APBB2: variants seen among roughly 807,000 people sequenced by gnomAD.
The protein encoded by APBB2 is amyloid beta precursor protein binding family B member 2, also known as Fe65-like 1.
In APBB2, 38 loss-of-function variants were observed where a neutral mutation model predicts 82.5. That is an observed-to-expected ratio of 0.46 (90% CI 0.36 to 0.60). The LOEUF (loss-of-function observed/expected upper bound fraction) is 0.60, where lower values mean the gene tolerates loss of function less well. Among genes scored for constraint, APBB2 ranks in the 20% least tolerant of loss-of-function variants. The pLI, the probability that APBB2 is intolerant of heterozygous loss-of-function variation, is 0.00. For synonymous variants in APBB2, 341 were observed against 368.2 expected, an observed-to-expected ratio of 0.93 and a Z score of 0.85; for missense variants, 772 against 972.3, an observed-to-expected ratio of 0.79 and a Z score of 2.74.
intron 6 of APBB2, among the ~76,000 whole-genome samples, chr4:40,996,131 C>T (rs1803577366): frequency 6.6e-6 from 1 of 152,204 alleles, no homozygotes; most frequent in Non-Finnish European, 1.5e-5. Flanking sequence ...GTGGCCCCTT[C>T]ACTTTACTGT....
intron 2 of APBB2, among the ~76,000 whole-genome samples, chr4:41,107,927 C>G (rs149794350): frequency 2.0e-5 from 3 of 151,878 alleles, no homozygotes; most frequent in Non-Finnish European, 4.4e-5. Flanking sequence ...GATTGGGAGG[C>G]GGGTATAAAA....
intron 6 of APBB2, among the ~76,000 whole-genome samples, chr4:40,955,519 AC>A (rs1490868932): frequency 6.6e-6 from 1 of 152,256 alleles, no homozygotes; most frequent in Non-Finnish European, 1.5e-5. Context: ...CTGATCTCTT[AC>A]AAAGTCTTAG....
chr4:40,881,126 A>T (rs1260521910), intron 12 of APBB2: 1 of 985,320 alleles, frequency 1.0e-6, no homozygotes, highest in Non-Finnish European at 1.2e-6. Flanking sequence ...CCACAGTGTA[A>T]GTCAGCAAAA....
chr4:41,129,543 A>T (rs1755370352), intron 2 of APBB2, among the ~76,000 whole-genome samples: 1 of 152,200 alleles, frequency 6.6e-6, no homozygotes, highest in Non-Finnish European at 1.5e-5. Context: ...TTAGATCAAC[A>T]GGCTTTGTTC....
chr4:41,085,723 G>A (rs895882949), intron 3 of APBB2, among the ~76,000 whole-genome samples: 13 of 152,104 alleles, frequency 8.5e-5, no homozygotes, highest in Admixed American at 2.0e-4. Context: ...TTATTTTAAA[G>A]TGCTGACTAT....
At chr4:40,964,753 A>AACAAACACACACACACACACACAC (rs1553884382) in intron 6 of APBB2, among the ~76,000 whole-genome samples, 12 of 139,666 alleles carry the variant, frequency 8.6e-5, no homozygotes, top group Non-Finnish European at 1.7e-4. Context: ...CCATTGAATA[A>AACAAACACACACACACACACACAC]ACACACACAC....
chr4:40,819,176 C>CTTTTTTTT (rs1188181954), intron 17 of APBB2, among the ~76,000 whole-genome samples: 4 of 135,216 alleles, frequency 3.0e-5, no homozygotes, highest in Non-Finnish European at 4.6e-5. Flanking sequence ...CCTTGGCTCT[C>CTTTTTTTT]TTTTTTTTTT....
chr4:40,884,801 C>A (rs1016601209), intron 12 of APBB2, among the ~76,000 whole-genome samples: 1 of 151,804 alleles, frequency 6.6e-6, no homozygotes, highest in Non-Finnish European at 1.5e-5. Context: ...GGGCCAGGGT[C>A]TTGGTGGATA....
At chr4:40,880,276 C>A (rs1269189918) in intron 12 of APBB2, 1 of 985,274 alleles carries the variant, frequency 1.0e-6, no homozygotes, top group Non-Finnish European at 1.2e-6. Context: ...TTGAGTTCCA[C>A]CTGATGTTCT....
At chr4:41,002,888 T>C (rs921143241) in intron 6 of APBB2, among the ~76,000 whole-genome samples, 2 of 139,792 alleles carry the variant, frequency 1.4e-5, no homozygotes, top group Admixed American at 7.4e-5. Flanking sequence ...TTATTTTATA[T>C]TCTGCATAGC....
chr4:41,051,215 C>T (rs765031422), intron 4 of APBB2, among the ~76,000 whole-genome samples: 4 of 152,188 alleles, frequency 2.6e-5, no homozygotes, highest in Non-Finnish European at 5.9e-5. Context: ...GGGAAGGGGA[C>T]AAGCCACCAT....
chr4:41,139,944 T>C (rs181021297), intron 2 of APBB2, among the ~76,000 whole-genome samples: 39 of 152,336 alleles, frequency 2.6e-4, no homozygotes, highest in African/African-American at 7.9e-4. Flanking sequence ...TCATCAATTA[T>C]AATATACCAC....
chr4:41,057,498 CTTTTT>C (rs1285767298), intron 4 of APBB2, among the ~76,000 whole-genome samples: 2 of 152,180 alleles, frequency 1.3e-5, no homozygotes, highest in Non-Finnish European at 2.9e-5. Flanking sequence ...TTGCTGTTTT[CTTTTT>C]CTTAGTATAT....
chr4:40,838,194 G>C (rs888041468), intron 12 of APBB2, among the ~76,000 whole-genome samples: 1 of 149,656 alleles, frequency 6.7e-6, no homozygotes, highest in Admixed American at 6.7e-5. Context: ...ACAGATTCTC[G>C]CTCTGTCACC....
chr4:40,907,373 ATATATATTTTTTTT>A (rs1235840313), intron 10 of APBB2, among the ~76,000 whole-genome samples: 687 of 37,298 alleles, frequency 0.018, 6 homozygotes, highest in African/African-American at 0.087. Flanking sequence ...ATATATATAT[ATATATATTTTTTTT>A]TTTTTTTTTT....
At chr4:40,896,284 G>C (rs1350161916) in intron 10 of APBB2, among the ~76,000 whole-genome samples, 3 of 152,192 alleles carry the variant, frequency 2.0e-5, no homozygotes, top group Admixed American at 2.0e-4. Context: ...GGCTGGCCTT[G>C]AATTGCTGAC....
chr4:40,929,846 A>C (rs1170654541), intron 10 of APBB2, among the ~76,000 whole-genome samples: 1 of 152,192 alleles, frequency 6.6e-6, no homozygotes, highest in African/African-American at 2.4e-5. Context: ...TACCAAAGCA[A>C]TAATTTAAAA....
At chr4:40,927,383 AACTCTATG>A (rs1385632643) in intron 10 of APBB2, among the ~76,000 whole-genome samples, 1 of 152,194 alleles carries the variant, frequency 6.6e-6, no homozygotes, top group African/African-American at 2.4e-5. Flanking sequence ...TATCACAAAT[AACTCTATG>A]ACTCATTTTT....
intron 10 of APBB2, among the ~76,000 whole-genome samples, chr4:40,914,003 A>G (rs560331879): frequency 1.1e-4 from 16 of 152,224 alleles, no homozygotes; most frequent in Non-Finnish European, 1.8e-4. Flanking sequence ...TGGGACGCTG[A>G]GATGGGCGGA....
Sources: allele counts gnomAD v4.1 joint callset (sites outside exome capture counted in the v4.1 genomes callset), GRCh38; gene constraint gnomAD v4.1.1; transcripts MANE v1.5; gene names NCBI Gene and HGNC (gene_info 2026-07-23, HGNC 2026-07-21).